The following THSD7B variants were observed in gnomAD, a reference collection of about 807,000 sequenced individuals.
THSD7B encodes thrombospondin type-1 domain-containing protein 7B.
A neutral mutation model predicts 213.6 loss-of-function variants in THSD7B; 138 were observed. The ratio of observed to expected loss-of-function variants is 0.65; its 90% CI spans 0.56 to 0.74. The LOEUF (loss-of-function observed/expected upper bound fraction) is 0.74. Ranked by LOEUF, THSD7B falls within the 30% of genes least tolerant of loss-of-function variation. The pLI is 0.00. For synonymous variants in THSD7B, 742 were observed against 687.0 expected, an observed-to-expected ratio of 1.08 and a Z score of -1.25; for missense variants, 1,931 against 1,991.5, an observed-to-expected ratio of 0.97 and a Z score of 0.58.
intron 12 of THSD7B, among the ~76,000 whole-genome samples, chr2:137,337,701 G>C (rs549020300): frequency 6.7e-4 from 102 of 152,112 alleles, no homozygotes; most frequent in Admixed American, 6.4e-3. Flanking sequence ...TGATTATCTA[G>C]TTTTCATCAG....
intron 12 of THSD7B, among the ~76,000 whole-genome samples, chr2:137,337,629 A>G (rs1051866326): frequency 2.0e-5 from 3 of 152,066 alleles, no homozygotes; most frequent in South Asian, 2.1e-4. Context: ...TTACTCCTTA[A>G]TTTTAGCAAC....
intron 2 of THSD7B, among the ~76,000 whole-genome samples, chr2:136,959,574 A>G (rs180903688): frequency 6.6e-4 from 100 of 152,332 alleles, no homozygotes; most frequent in African/African-American, 2.2e-3. Flanking sequence ...ATTTGGTTTG[A>G]AATAAATAAT....
At chr2:137,143,737 A>G (rs1679637601) in intron 5 of THSD7B, among the ~76,000 whole-genome samples, 2 of 152,044 alleles carry the variant, frequency 1.3e-5, no homozygotes, top group African/African-American at 4.8e-5. Flanking sequence ...TATTTCCCCT[A>G]GTCATTTTTC....
intron 10 of THSD7B, among the ~76,000 whole-genome samples, chr2:137,255,326 T>C (rs1291672052): frequency 1.3e-5 from 2 of 152,144 alleles, no homozygotes. Context: ...ATATGTGCAT[T>C]TTCTGAGCAG....
intron 2 of THSD7B, among the ~76,000 whole-genome samples, chr2:137,031,896 C>A (rs940888962): frequency 6.7e-6 from 1 of 149,160 alleles, no homozygotes; most frequent in Non-Finnish European, 1.5e-5. Context: ...GACTGGCATG[C>A]AGTGACATGC....
intron 21 of THSD7B, among the ~76,000 whole-genome samples, chr2:137,651,612 T>G (rs1029454612): frequency 6.6e-6 from 1 of 152,156 alleles, no homozygotes; most frequent in Non-Finnish European, 1.5e-5. Context: ...TGAGGTTTGG[T>G]TTGTTCTTGC....
chr2:137,548,523 A>G (rs957893620), intron 15 of THSD7B, among the ~76,000 whole-genome samples: 1 of 151,982 alleles, frequency 6.6e-6, no homozygotes, highest in Non-Finnish European at 1.5e-5. Flanking sequence ...TATTTGGAAT[A>G]TCTCACAATA....
intron 17 of THSD7B, among the ~76,000 whole-genome samples, chr2:137,579,862 G>A (rs1390767921): frequency 2.6e-5 from 4 of 152,034 alleles, no homozygotes; most frequent in South Asian, 4.1e-4. Context: ...ATAAACAAAT[G>A]TCTTCACTCT....
intron 16 of THSD7B, among the ~76,000 whole-genome samples, chr2:137,565,279 C>A (rs1681212619): frequency 6.6e-6 from 1 of 152,100 alleles, no homozygotes; most frequent in Non-Finnish European, 1.5e-5. Flanking sequence ...CAAGACTTAG[C>A]AATTTATAAA....
intron 1 of THSD7B, among the ~76,000 whole-genome samples, chr2:136,840,666 A>C (rs1437321544): frequency 1.3e-5 from 2 of 152,146 alleles, no homozygotes; most frequent in Non-Finnish European, 2.9e-5. Context: ...AAGAGCTTGA[A>C]CTTTATCCTA....
At chr2:137,667,294 C>G (rs939982596) in intron 26 of THSD7B, among the ~76,000 whole-genome samples, 5 of 151,890 alleles carry the variant, frequency 3.3e-5, no homozygotes, top group Non-Finnish European at 7.4e-5. Flanking sequence ...GAGCTGTTAC[C>G]TATGTGTATT....
intron 4 of THSD7B, among the ~76,000 whole-genome samples, chr2:137,101,706 AG>A (rs1688153726): frequency 6.6e-6 from 1 of 152,102 alleles, no homozygotes; most frequent in African/African-American, 2.4e-5. Flanking sequence ...TGGTGGTGGG[AG>A]GGGTGTCCGC....
At chr2:137,605,378 G>T (rs1398122383) in intron 17 of THSD7B, among the ~76,000 whole-genome samples, 4 of 152,122 alleles carry the variant, frequency 2.6e-5, no homozygotes, top group Non-Finnish European at 5.9e-5. Context: ...TCAGAGGCCA[G>T]TGTGAGGATT....
intron 12 of THSD7B, among the ~76,000 whole-genome samples, chr2:137,363,622 A>G (rs540237924): frequency 1.3e-5 from 2 of 152,338 alleles, no homozygotes; most frequent in East Asian, 3.9e-4. Context: ...CTACGCAAAT[A>G]AACTAGAAAA....
At chr2:137,588,067 G>T (rs1303033005) in intron 17 of THSD7B, among the ~76,000 whole-genome samples, 1 of 152,174 alleles carries the variant, frequency 6.6e-6, no homozygotes, top group African/African-American at 2.4e-5. Context: ...CTGCCCCCTT[G>T]CAGTTTGATC....
rs565002881 is a variant in THSD7B at position 137,393,146 on chromosome 2, C to CT, written c.2501-12455dup. 1.8e-3 allele frequency among the ~76,000 whole-genome samples: 250 copies of CT among 139,684 alleles called. 1 individual carries two copies. Among genetic ancestry groups the CT allele is most frequent in the African/African-American group, 5.0e-3 (190 of 38,038 alleles). The allele number at this position is 139,684 out of a possible 152,430, so 91.6% of individuals were successfully genotyped here. ...CTTGGCTGCAGGTTTTTTCTTCCAG[C>CT]TTTTTTTTTTTTAATTTTTTTTTTT... On this transcript the variant is annotated intron_variant, in intron 12 of 27. Coordinates refer to ENST00000409968, the MANE Select transcript of THSD7B (RefSeq NM_001316349.2).
At chr2:137,234,447 G>T (rs1283351437) in intron 9 of THSD7B, among the ~76,000 whole-genome samples, 2 of 152,186 alleles carry the variant, frequency 1.3e-5, no homozygotes, top group Non-Finnish European at 2.9e-5. Flanking sequence ...TACGGCAGCA[G>T]ATAGAGTGCA....
chr2:137,450,889 A>G lies in THSD7B; in HGVS notation c.3004A>G (p.Lys1002Glu), dbSNP rs1201431680. 6.2e-7 allele frequency: 1 copy of G among 1,611,890 alleles called. No homozygotes were observed. The highest frequency in any genetic ancestry group is 8.5e-7 in the Non-Finnish European group (1 of 1,179,116). The change falls in exon 15 of 28, where the codon AAG (lysine) becomes GAG (glutamate). Residue 1002 changes from lysine (K) to glutamate (E), a missense_variant. Coordinates refer to ENST00000409968, the MANE Select transcript of THSD7B (RefSeq NM_001316349.2). ...TGTCATTCCCTGCCCATTTGATTGC[A>G]AGTTAAGCGATTGGTCTAGTTGGGG... ...KCVIPCPFDCKLSDWSSWGSC... is the reference protein window; with the variant it reads ...KCVIPCPFDCELSDWSSWGSC...
chr2:137,082,091 C>G (rs565630297), intron 3 of THSD7B, among the ~76,000 whole-genome samples: 1 of 152,146 alleles, frequency 6.6e-6, no homozygotes, highest in South Asian at 2.1e-4. Flanking sequence ...TGCCAAGTTC[C>G]GAACTGTTTT....
Sources: gnomAD v4.1 joint callset for allele counts (sites outside exome capture counted in the v4.1 genomes callset) on GRCh38, gnomAD v4.1.1 for gene constraint, MANE v1.5 for transcripts, NCBI Gene and HGNC (gene_info 2026-07-23, HGNC 2026-07-21) for gene names.